The following CDKL5 variants were observed in gnomAD, a reference collection of about 807,000 sequenced individuals.
The protein encoded by CDKL5 is cyclin dependent kinase like 5.
Under a neutral mutation model 61.7 loss-of-function variants are expected in CDKL5, and 8 were observed. That is an observed-to-expected ratio of 0.13 (90% CI 0.08 to 0.23). The LOEUF (loss-of-function observed/expected upper bound fraction) is 0.23, where lower values mean the gene tolerates loss of function less well. Ranked by LOEUF, CDKL5 falls within the 10% of genes least tolerant of loss-of-function variation. The probability of loss-of-function intolerance (pLI) is 1.00; values close to 1 mark genes in which losing one functional copy is unlikely to be tolerated. For synonymous variants in CDKL5, 275 were observed against 272.3 expected (o/e 1.01, Z -0.10); for missense variants, 440 against 734.5 (o/e 0.60, Z 4.63).
chrX:18,453,225 C>T (rs1602199604), intron 1 of CDKL5, among the ~76,000 whole-genome samples: 1 of 111,685 alleles, frequency 9.0e-6, no homozygotes, highest in East Asian at 2.8e-4. Context: ...ATACTATCTC[C>T]TGTATAAAAC....
In CDKL5 at chrX:18,509,199, A is replaced by ACGCGCG. The variant is rs1351945385; in HGVS notation, c.65-1620_65-1619insGCGCGC. On this transcript the variant is annotated intron_variant, in intron 2 of 17. Transcript: ENST00000623535. ...AGAGCGAGACTGTCTCAAAACACGC[A>ACGCGCG]CACACACACACACACACACACACAC... 6.9e-3 allele frequency among the ~76,000 whole-genome samples: 309 copies of ACGCGCG among 44,913 alleles called. 2 individuals are homozygous for ACGCGCG. Among genetic ancestry groups the ACGCGCG allele is most frequent in the African/African-American group, 0.025 (283 of 11,135 alleles). The allele number at this position is 44,913 out of a possible 115,157, so 39.0% of individuals were successfully genotyped here.
At chrX:18,564,601 G>A (rs1313402874) in intron 4 of CDKL5, 79 bp downstream of exon 4, 23 of 307,024 alleles carry the variant, frequency 7.5e-5, no homozygotes, top group African/African-American at 5.8e-4. Context: ...CATAGAGTGT[G>A]GAAGAAGTGG....
intron 1 of CDKL5, among the ~76,000 whole-genome samples, chrX:18,466,768 C>G (rs1920964798): frequency 8.9e-6 from 1 of 111,910 alleles, no homozygotes; most frequent in African/African-American, 3.2e-5. Context: ...CCACCTTGGC[C>G]TCCCAAAGTG....
At chrX:18,626,741 C>G (rs1206965576) in intron 17 of CDKL5, 1 of 50,475 alleles carries the variant, frequency 2.0e-5, no homozygotes, top group Non-Finnish European at 3.7e-5. Context: ...CTCTCCCCCC[C>G]CCTCCCCCCC....
chrX:18,426,632 T>C (rs748237410), intron 1 of CDKL5: 98 of 112,773 alleles, frequency 8.7e-4, no homozygotes, highest in African/African-American at 3.1e-3. Flanking sequence ...GCACAATCTA[T>C]TTTAATTGGC....
intron 7 of CDKL5, 121 bp from the exon 8 acceptor site, chrX:18,584,142 C>G: frequency 5.5e-6 from 3 of 548,867 alleles, no homozygotes; most frequent in Non-Finnish European, 9.9e-6. Flanking sequence ...ATAGCCCATG[C>G]GAGAACAGTC....
chrX:18,573,813 G>A (rs910400450), intron 4 of CDKL5, among the ~76,000 whole-genome samples: 3 of 111,906 alleles, frequency 2.7e-5, no homozygotes, highest in Non-Finnish European at 3.8e-5. Context: ...TGTTGACTCC[G>A]TGTTCCCAGT....
intron 17 of CDKL5, chrX:18,627,175 C>G (rs1374647199): frequency 9.0e-6 from 1 of 111,586 alleles, no homozygotes; most frequent in Non-Finnish European, 1.9e-5. Context: ...CTTGGGAAGA[C>G]TTTGAAATGA....
chrX:18,652,679 A>C (rs1440800026), intron 21 of CDKL5, among the ~76,000 whole-genome samples: 2 of 111,199 alleles, frequency 1.8e-5, no homozygotes, highest in Non-Finnish European at 3.8e-5. Flanking sequence ...AAAAAAAAAA[A>C]CTAAGGGGAT....
intron 1 of CDKL5, among the ~76,000 whole-genome samples, chrX:18,468,658 A>G (rs1177132672): frequency 8.9e-6 from 1 of 112,597 alleles, no homozygotes; most frequent in East Asian, 2.8e-4. Flanking sequence ...AAAATAAGTT[A>G]TAAAGTGAAT....
At chrX:18,519,920 G>A (rs1923184556) in intron 3 of CDKL5, among the ~76,000 whole-genome samples, 1 of 111,549 alleles carries the variant, frequency 9.0e-6, no homozygotes, top group Admixed American at 9.5e-5. Context: ...CTTTATTTTC[G>A]TGTCTCTTTC....
intron 21 of CDKL5, among the ~76,000 whole-genome samples, chrX:18,651,218 CAA>C (rs1325690855): frequency 7.0e-5 from 4 of 57,410 alleles, no homozygotes; most frequent in Non-Finnish European, 9.3e-5. Flanking sequence ...CAGGCAGGAG[CAA>C]GTGTGTGTGT....
At chrX:18,496,520 G>A (rs1817874903) in intron 1 of CDKL5, among the ~76,000 whole-genome samples, 1 of 111,704 alleles carries the variant, frequency 9.0e-6, no homozygotes, top group African/African-American at 3.3e-5. Flanking sequence ...CAGGCTCTCA[G>A]TTAATGTCTC....
In CDKL5 at chrX:18,536,432, G is replaced by GTTTTT. The variant is rs746308567; in HGVS notation, c.99+25606_99+25610dup. 6.9e-4 allele frequency among the ~76,000 whole-genome samples: 28 copies of GTTTTT among 40,554 alleles called. 4 individuals are homozygous for GTTTTT. In the East Asian group the frequency reaches 7.8e-3, roughly 11 times the overall value. The allele number at this position is 40,554 out of a possible 115,157, so 35.2% of individuals were successfully genotyped here. A position where few individuals can be genotyped will look rare whatever the true frequency, so the allele number is the denominator to read the frequency against. Reference sequence around the variant, plus strand: ...AGAGAGTATTATTTATTCAATACAGGTTTTTTTTTTTTTTTTTTTTTTTTT... The same window carrying GTTTTT: ...AGAGAGTATTATTTATTCAATACAGGTTTTTTTTTTTTTTTTTTTTTTTTTTTTTT... On this transcript the variant is annotated intron_variant, in intron 3 of 17. Coordinates refer to ENST00000623535, the MANE Select transcript of CDKL5 (RefSeq NM_001323289.2).
At chrX:18,498,927 C>A (rs1308264407) in intron 1 of CDKL5, among the ~76,000 whole-genome samples, 1 of 111,114 alleles carries the variant, frequency 9.0e-6, no homozygotes, top group Non-Finnish European at 1.9e-5. Context: ...GTGGTCATCA[C>A]ACCTGGCTAA....
intron 3 of CDKL5, among the ~76,000 whole-genome samples, chrX:18,513,892 G>A (rs1922914867): frequency 9.0e-6 from 1 of 111,550 alleles, no homozygotes; most frequent in Non-Finnish European, 1.9e-5. Context: ...TAATCTTCCC[G>A]ATTGTACTTA....
rs1302925639 is a variant in CDKL5, at chrX:18,453,215, A to G, written c.-163+27520A>G. Among the ~76,000 whole-genome samples, 3 of 111,690 alleles carry G rather than the reference A, an allele frequency of 2.7e-5. No individual in the cohort carries two copies. In the East Asian group the frequency reaches 8.5e-4, roughly 32 times the overall value. ...ACTAATTTTTTCAGATGTAGTTCAT[A>G]TACTATCTCCTGTATAAAACATAAC... On this transcript the variant is annotated intron_variant, in intron 1 of 17. Transcript: ENST00000623535.
Position 18,598,473 on chromosome X carries a change from G to T in CDKL5, c.837G>T (p.Lys279Asn). Residue 279 changes from lysine (K) to asparagine (N), a missense_variant, in exon 11 of 18, where the codon AAG (lysine) becomes AAT (asparagine). Lys to Asn is a moderately conservative substitution (Grantham distance 94, BLOSUM62 0). Around this residue, in one of 2 missense-constraint regions of CDKL5, gnomAD observed 77 missense variants for 218.2 expected, o/e 0.35. Transcript: ENST00000623535. ...TTTTATTTCCTAAGAATTTACTGAA[G>T]TTGGACCCAGCTGACAGATACTTGA... ...VLLDLMKNLL[K>N]LDPADRYLTE... 8.3e-7 allele frequency: 1 copy of T among 1,207,165 alleles called. No individual in the cohort carries two copies. The highest frequency in any genetic ancestry group is 1.1e-6 in the Non-Finnish European group (1 of 891,296).
At chrX:18,652,403 T>C (rs1928084749) in intron 21 of CDKL5, among the ~76,000 whole-genome samples, 1 of 112,520 alleles carries the variant, frequency 8.9e-6, no homozygotes. Context: ...GTGCAGTGGC[T>C]CACGCCTGTA....
Sources: allele counts gnomAD v4.1 joint callset (sites outside exome capture counted in the v4.1 genomes callset), GRCh38; gene constraint gnomAD v4.1.1; regional missense constraint gnomAD v4.1.1; transcripts MANE v1.5; gene names NCBI Gene and HGNC (gene_info 2026-07-23, HGNC 2026-07-21).